MIPOL1: variants seen among roughly 807,000 people sequenced by gnomAD.
MIPOL1 encodes mirror-image polydactyly 1.
Under a neutral mutation model 60.9 loss-of-function variants are expected in MIPOL1, and 57 were observed. That is an observed-to-expected ratio of 0.94 (90% CI 0.76 to 1.17). The LOEUF (loss-of-function observed/expected upper bound fraction) is 1.17. MIPOL1 is among the 50% of genes most tolerant of loss of function. MIPOL1 has a pLI of 0.00. For missense variants in MIPOL1, 551 were observed against 511.6 expected (o/e 1.08, Z -0.74); for synonymous variants, 179 against 168.8 (o/e 1.06, Z -0.47).
At chr14:37,455,780 G>A (rs943254665) in intron 11 of MIPOL1, among the ~76,000 whole-genome samples, 2 of 151,984 alleles carry the variant, frequency 1.3e-5, no homozygotes, top group African/African-American at 4.8e-5. Context: ...CAACTAATGT[G>A]TTTATATTAT....
chr14:37,368,224 T>C lies in MIPOL1; in HGVS notation c.829-1293T>C, dbSNP rs572824466. On this transcript the variant is annotated intron_variant, in intron 9 of 12. Coordinates refer to ENST00000684589, the MANE Select transcript of MIPOL1 (RefSeq NM_001388067.1). ...GTTATTTTATTTATTTTTAAGTGTG[T>C]TTTGATTTTATAATTGTATTATATA... 5.9e-5 allele frequency among the ~76,000 whole-genome samples: 9 copies of C among 152,222 alleles called. 1 individual carries two copies. In the South Asian group the frequency reaches 1.9e-3, roughly 32 times the overall value.
chr14:37,273,173 A>G (rs1280918646), intron 6 of MIPOL1, among the ~76,000 whole-genome samples: 1 of 151,218 alleles, frequency 6.6e-6, no homozygotes, highest in Non-Finnish European at 1.5e-5. Flanking sequence ...ATAACTATTA[A>G]GTGAAATAGG....
chr14:37,519,547 T>C (rs922232222), intron 12 of MIPOL1, among the ~76,000 whole-genome samples: 1 of 152,128 alleles, frequency 6.6e-6, no homozygotes, highest in African/African-American at 2.4e-5. Context: ...AACATATTAC[T>C]CATCTTGATT....
At chr14:37,310,663 A>G (rs2087243652) in intron 9 of MIPOL1, among the ~76,000 whole-genome samples, 1 of 152,132 alleles carries the variant, frequency 6.6e-6, no homozygotes, top group East Asian at 1.9e-4. Flanking sequence ...TTGCTATCCA[A>G]AATGCCTTAC....
chr14:37,332,147 A>AG (rs1308293721), intron 9 of MIPOL1, among the ~76,000 whole-genome samples: 1 of 151,952 alleles, frequency 6.6e-6, no homozygotes, highest in Non-Finnish European at 1.5e-5. Context: ...AAAAAAAAAA[A>AG]GGCACTTTCA....
intron 11 of MIPOL1, among the ~76,000 whole-genome samples, chr14:37,471,343 A>G (rs1396668907): frequency 6.6e-6 from 1 of 152,184 alleles, no homozygotes; most frequent in African/African-American, 2.4e-5. Flanking sequence ...TCTAAGTAGT[A>G]TGTCTGGTCC....
chr14:37,287,552 C>T lies in MIPOL1; in HGVS notation c.623+2105C>T, dbSNP rs2084676038. Among the ~76,000 whole-genome samples the T allele has an allele frequency of 2.6e-5, 4 of 152,196 alleles. No homozygotes were observed. In the South Asian group the frequency reaches 8.3e-4, roughly 32 times the overall value. ...TACAGGCATGAGCCATTGCACCTAG[C>T]CAAATCACTGAATATTGAAAAATAT... On this transcript the variant is annotated intron_variant, in intron 7 of 12. Coordinates refer to ENST00000684589, the MANE Select transcript of MIPOL1 (RefSeq NM_001388067.1).
intron 12 of MIPOL1, among the ~76,000 whole-genome samples, chr14:37,531,299 T>C (rs964217398): frequency 6.6e-6 from 1 of 152,092 alleles, no homozygotes; most frequent in Admixed American, 6.6e-5. Flanking sequence ...TTTTTTCCTC[T>C]ACGTTACCCT....
At chr14:37,230,750 T>G (rs1057393660) in intron 1 of MIPOL1, among the ~76,000 whole-genome samples, 1 of 152,160 alleles carries the variant, frequency 6.6e-6, no homozygotes, top group Admixed American at 6.5e-5. Context: ...GACTGATATA[T>G]AAGCTTTGCA....
chr14:37,526,536 AT>A (rs1296907690), intron 12 of MIPOL1, among the ~76,000 whole-genome samples: 1 of 144,388 alleles, frequency 6.9e-6, no homozygotes, highest in Non-Finnish European at 1.5e-5. Context: ...CACCTGGCTA[AT>A]TTTTTGTATT....
At chr14:37,364,178 A>G (rs1456489276) in intron 9 of MIPOL1, among the ~76,000 whole-genome samples, 2 of 152,234 alleles carry the variant, frequency 1.3e-5, no homozygotes, top group African/African-American at 4.8e-5. Context: ...TGAACTGGGT[A>G]CTTTAGTTGG....
chr14:37,310,721 T>C (rs1259320891), intron 9 of MIPOL1, among the ~76,000 whole-genome samples: 1 of 152,148 alleles, frequency 6.6e-6, no homozygotes, highest in African/African-American at 2.4e-5. Flanking sequence ...CTTGGCCTAG[T>C]TGTGGTTCAC....
chr14:37,329,503 T>C (rs2089490410), intron 9 of MIPOL1, among the ~76,000 whole-genome samples: 1 of 152,178 alleles, frequency 6.6e-6, no homozygotes, highest in South Asian at 2.1e-4. Context: ...GTTTTAGCCT[T>C]GTTGTAATCT....
chr14:37,208,573 G>A (rs1966473065), intron 1 of MIPOL1, among the ~76,000 whole-genome samples: 1 of 152,122 alleles, frequency 6.6e-6, no homozygotes, highest in Non-Finnish European at 1.5e-5. Flanking sequence ...GAGCACCCAT[G>A]TAGCCACCAT....
chr14:37,282,197 G>A (rs1346235442), intron 6 of MIPOL1, among the ~76,000 whole-genome samples: 6 of 151,288 alleles, frequency 4.0e-5, no homozygotes, highest in African/African-American at 1.2e-4. Flanking sequence ...TTGGTTCAGC[G>A]ATTCAGGTAT....
intron 9 of MIPOL1, among the ~76,000 whole-genome samples, chr14:37,330,208 A>T (rs2089549042): frequency 6.6e-6 from 1 of 152,100 alleles, no homozygotes; most frequent in Admixed American, 6.5e-5. Context: ...AAACTATAGA[A>T]ATGCAATACT....
intron 10 of MIPOL1, among the ~76,000 whole-genome samples, chr14:37,376,363 T>G (rs2092776947): frequency 6.6e-6 from 1 of 152,180 alleles, no homozygotes; most frequent in Non-Finnish European, 1.5e-5. Flanking sequence ...CTTTTTGCTG[T>G]TTCCATAGTT....
intron 1 of MIPOL1, among the ~76,000 whole-genome samples, chr14:37,231,860 G>A (rs866462853): frequency 3.3e-5 from 5 of 151,872 alleles, no homozygotes; most frequent in South Asian, 2.1e-4. Flanking sequence ...TGGGAGCCTC[G>A]TTTGAGGCCA....
intron 10 of MIPOL1, among the ~76,000 whole-genome samples, chr14:37,371,160 C>T (rs1231075531): frequency 2.0e-5 from 3 of 151,018 alleles, no homozygotes; most frequent in Admixed American, 2.0e-4. Context: ...TGCTCCATTG[C>T]CCAGACTGGA....
Sources: allele counts gnomAD v4.1 joint callset (sites outside exome capture counted in the v4.1 genomes callset), GRCh38; gene constraint gnomAD v4.1.1; transcripts MANE v1.5; gene names NCBI Gene and HGNC (gene_info 2026-07-23, HGNC 2026-07-21).